Variants in QKI observed in about 807,000 individuals in gnomAD.
QKI encodes the protein KH domain-containing RNA-binding protein QKI.
In QKI, 10 loss-of-function variants were observed where a neutral mutation model predicts 39.0. The observed-to-expected ratio is 0.26, with a 90% confidence interval of 0.16 to 0.43. The LOEUF (loss-of-function observed/expected upper bound fraction) is 0.43. QKI is among the 20% of genes least tolerant of loss of function. QKI has a pLI of 1.00. For missense variants in QKI, 218 were observed against 428.0 expected (o/e 0.51, Z 4.33); for synonymous variants, 204 against 155.4 (o/e 1.31, Z -2.33).
chr6:163,494,637 G>A (rs1258152705), intron 3 of QKI, among the ~76,000 whole-genome samples: 2 of 149,228 alleles, frequency 1.3e-5, no homozygotes, highest in Non-Finnish European at 3.0e-5. Flanking sequence ...GGTCTGCTTA[G>A]TGTCACGTTT....
chr6:163,479,597 C>G (rs559931032), intron 3 of QKI, among the ~76,000 whole-genome samples: 10 of 152,330 alleles, frequency 6.6e-5, no homozygotes, highest in African/African-American at 2.4e-4. Flanking sequence ...GTCTCGAACT[C>G]CTGACCTCGT....
At chr6:163,420,561 G>A (rs1787915995) in intron 1 of QKI, among the ~76,000 whole-genome samples, 1 of 152,028 alleles carries the variant, frequency 6.6e-6, no homozygotes. Context: ...ATATATACCA[G>A]CTTTTTATTT....
intron 2 of QKI, among the ~76,000 whole-genome samples, chr6:163,464,750 C>G (rs1381636566): frequency 6.6e-6 from 1 of 152,158 alleles, no homozygotes; most frequent in Non-Finnish European, 1.5e-5. Context: ...GCAAATTCCT[C>G]TGAACATCTA....
At chr6:163,474,550 G>GA (rs1792438221) in intron 2 of QKI, among the ~76,000 whole-genome samples, 2 of 151,916 alleles carry the variant, frequency 1.3e-5, no homozygotes, top group South Asian at 4.1e-4. Flanking sequence ...TACGGTAGCA[G>GA]AAAAAGCCCT....
At chr6:163,522,388 A>G (rs1482255716) in intron 3 of QKI, among the ~76,000 whole-genome samples, 1 of 152,152 alleles carries the variant, frequency 6.6e-6, no homozygotes, top group Non-Finnish European at 1.5e-5. Context: ...TACGTGAGTG[A>G]GTTGCTCAAG....
chr6:163,558,469 G>A (rs1042370355), intron 4 of QKI, among the ~76,000 whole-genome samples: 21 of 148,064 alleles, frequency 1.4e-4, no homozygotes, highest in African/African-American at 4.0e-4. Context: ...GCGCGATGTC[G>A]ACTCACTGCA....
rs1487530512 is a variant in QKI, at chr6:163,563,455, G to A, written c.670G>A (p.Ala224Thr). Residue 224 changes from alanine (A) to threonine (T), a missense_variant, in exon 6 of 8, where the codon GCT (alanine) becomes ACT (threonine). Ala to Thr is a moderately conservative substitution (Grantham distance 58, BLOSUM62 0). Coordinates refer to ENST00000361752, the MANE Select transcript of QKI (RefSeq NM_006775.3). ...CTTTTCTCTTGCAGCAACAGCCCAG[G>A]CTGCTCCAAGGATCATTACTGGGCC... The part of the protein sequence containing the change: ...LAFSLAATAQ[A>T]APRIITGPAP... The A allele has an allele frequency of 3.7e-6, 6 of 1,613,274 alleles. No homozygotes were observed. In the African/African-American group the frequency reaches 6.7e-5, roughly 18 times the overall value.
At chr6:163,451,462 T>C (rs1389674444) in intron 1 of QKI, among the ~76,000 whole-genome samples, 1 of 152,162 alleles carries the variant, frequency 6.6e-6, no homozygotes, top group Non-Finnish European at 1.5e-5. Context: ...CACTTAGATA[T>C]TTTAGAATTT....
chr6:163,534,922 A>C (rs1242800172), intron 3 of QKI, 60 bp from the exon 4 acceptor site: 3 of 1,338,638 alleles, frequency 2.2e-6, no homozygotes, highest in African/African-American at 3.0e-5. Context: ...TAGTATTATG[A>C]AAGATGTGCT....
chr6:163,561,246 ATGTGCACGCGCG>A (rs1782980868), intron 4 of QKI, among the ~76,000 whole-genome samples: 1 of 152,104 alleles, frequency 6.6e-6, no homozygotes, highest in Non-Finnish European at 1.5e-5. Context: ...TTGTGTGCAC[ATGTGCACGCGCG>A]TGTGTGTATG....
chr6:163,533,606 G>A (rs992384239), intron 3 of QKI, among the ~76,000 whole-genome samples: 6 of 152,130 alleles, frequency 3.9e-5, no homozygotes, highest in African/African-American at 1.4e-4. Flanking sequence ...ACCTAGCTTT[G>A]TAAAGATATG....
At chr6:163,494,102 A>C (rs1389685103) in intron 3 of QKI, among the ~76,000 whole-genome samples, 4 of 151,268 alleles carry the variant, frequency 2.6e-5, no homozygotes, top group Admixed American at 2.6e-4. Flanking sequence ...CACATCCTCC[A>C]ATTCAGCCAA....
chr6:163,514,732 A>G (rs1189382539), intron 3 of QKI, among the ~76,000 whole-genome samples: 2 of 152,182 alleles, frequency 1.3e-5, no homozygotes, highest in African/African-American at 4.8e-5. Context: ...GGATAGTTGA[A>G]TTTGCATATG....
intron 1 of QKI, among the ~76,000 whole-genome samples, chr6:163,426,413 A>C (rs181097851): frequency 6.6e-6 from 1 of 152,334 alleles, no homozygotes; most frequent in Admixed American, 6.5e-5. Context: ...TTACATCAGG[A>C]GGCACAGTAA....
At chr6:163,461,285 G>T (rs1303478127) in intron 2 of QKI, among the ~76,000 whole-genome samples, 2 of 152,080 alleles carry the variant, frequency 1.3e-5, no homozygotes, top group African/African-American at 2.4e-5. Context: ...TTACAGAAAG[G>T]GTTACAGGAC....
chr6:163,480,065 A>T (rs1792956342), intron 3 of QKI, among the ~76,000 whole-genome samples: 1 of 152,140 alleles, frequency 6.6e-6, no homozygotes, highest in Admixed American at 6.5e-5. Context: ...ATTAGTAAAG[A>T]CCCAACTATC....
chr6:163,536,600 A>G (rs981779696), intron 4 of QKI, among the ~76,000 whole-genome samples: 8 of 152,056 alleles, frequency 5.3e-5, no homozygotes, highest in African/African-American at 9.6e-5. Flanking sequence ...TAAATTTTCT[A>G]TTTACCCAGT....
At chr6:163,555,558 C>G (rs747587911) in intron 4 of QKI, among the ~76,000 whole-genome samples, 5 of 143,312 alleles carry the variant, frequency 3.5e-5, no homozygotes, top group Non-Finnish European at 6.1e-5. Flanking sequence ...AAACGATGAT[C>G]TGTGTTATTG....
chr6:163,565,687 C>A, intron 6 of QKI: 1 of 1,133,926 alleles, frequency 8.8e-7, no homozygotes, highest in South Asian at 4.0e-5. Flanking sequence ...TCATTTCTTG[C>A]TTTGCCACCT....
Sources: allele counts gnomAD v4.1 joint callset (sites outside exome capture counted in the v4.1 genomes callset), GRCh38; gene constraint gnomAD v4.1.1; transcripts MANE v1.5; gene names NCBI Gene and HGNC (gene_info 2026-07-23, HGNC 2026-07-21).